SLC12A1: variants seen among roughly 807,000 people sequenced by gnomAD.
SLC12A1 encodes the protein solute carrier family 12 member 1.
Under a neutral mutation model 130.4 loss-of-function variants are expected in SLC12A1, and 89 were observed. That is an observed-to-expected ratio of 0.68 (90% CI 0.58 to 0.81). The LOEUF is 0.81. Ranked by LOEUF, SLC12A1 falls within the 40% of genes least tolerant of loss-of-function variation. The pLI is 0.00. For synonymous variants in SLC12A1, 499 were observed against 460.0 expected (o/e 1.08, Z -1.09); for missense variants, 1,310 against 1,336.4 (o/e 0.98, Z 0.31).
At chr15:48,265,419 ATTC>A (rs1452872426) in intron 17 of SLC12A1, among the ~76,000 whole-genome samples, 1 of 152,188 alleles carries the variant, frequency 6.6e-6, no homozygotes, top group Non-Finnish European at 1.5e-5. Context: ...CCTGTTTGTT[ATTC>A]TTCTATCTAA....
rs368012806 is a variant in SLC12A1, at chr15:48,211,272, T to C, written c.420+3133T>C. The stretch of plus-strand genomic sequence containing the variant: ...CCATTCTAGTGTTGCTGAAATTGTA[T>C]GGCCTAGCCTGGCTCTCCATGTGTA... On this transcript the variant is annotated intron_variant, in intron 2 of 26. Coordinates refer to ENST00000380993, the MANE Select transcript of SLC12A1 (RefSeq NM_000338.3). Among the ~76,000 whole-genome samples, 15 of 152,354 alleles carry C rather than the reference T, an allele frequency of 9.8e-5. No homozygotes were observed. In the East Asian group the frequency reaches 2.3e-3, roughly 24 times the overall value.
chr15:48,241,628 G>A (rs2141050148), intron 10 of SLC12A1, 29 bp downstream of exon 10: 2 of 1,516,304 alleles, frequency 1.3e-6, no homozygotes, highest in African/African-American at 1.4e-5. Context: ...GTGTCAGAAT[G>A]TCAGAATTAC....
At chr15:48,268,342 A>G (rs536830682) in intron 18 of SLC12A1, among the ~76,000 whole-genome samples, 50 of 152,306 alleles carry the variant, frequency 3.3e-4, no homozygotes, top group Non-Finnish European at 6.3e-4. Context: ...AGTGACAAAG[A>G]ATCCTTAAAA....
At chr15:48,249,528 TG>T in intron 13 of SLC12A1, 46 bp from the exon 14 acceptor site, 1 of 1,378,792 alleles carries the variant, frequency 7.3e-7, no homozygotes, top group Non-Finnish European at 1.0e-6. Flanking sequence ...GTTCAGCCCC[TG>T]GTCTCATCAC....
At chr15:48,252,435 A>T (rs1427758102) in intron 15 of SLC12A1, among the ~76,000 whole-genome samples, 1 of 152,196 alleles carries the variant, frequency 6.6e-6, no homozygotes, top group African/African-American at 2.4e-5. Flanking sequence ...CCATTACATC[A>T]CTTTCTGTTT....
chr15:48,241,054 C>T (rs556074293), intron 9 of SLC12A1, among the ~76,000 whole-genome samples: 2 of 152,112 alleles, frequency 1.3e-5, no homozygotes, highest in East Asian at 1.9e-4. Context: ...GTAGATCATC[C>T]TTTTTACTCA....
rs1486160195 is a variant in SLC12A1, at chr15:48,220,988, C to T, written c.620C>T (p.Ala207Val). Reference protein sequence around the residue: ...FIRLSWIVGEAGIGLGVLIIL... With the variant: ...FIRLSWIVGEVGIGLGVLIIL... ...CGCCTCTCCTGGATTGTTGGAGAAG[C>T]TGGAATTGGTAAGCATTTTTCCCCT... The change falls in exon 4 of 27, where the codon GCT (alanine) becomes GTT (valine). Residue 207 changes from alanine (A) to valine (V), a missense_variant. By Grantham distance (64) the Ala-to-Val change is moderately conservative (BLOSUM62 0). Coordinates refer to ENST00000380993, the MANE Select transcript of SLC12A1 (RefSeq NM_000338.3). 1.2e-6 allele frequency: 2 copies of T among 1,613,886 alleles called. No homozygotes were observed. The highest frequency in any genetic ancestry group is 1.7e-6 in the Non-Finnish European group (2 of 1,179,780).
intron 2 of SLC12A1, among the ~76,000 whole-genome samples, chr15:48,219,262 C>T (rs1320164824): frequency 6.6e-6 from 1 of 152,116 alleles, no homozygotes; most frequent in Non-Finnish European, 1.5e-5. Flanking sequence ...GAAAACTTGT[C>T]GGCCGGGTGT....
chr15:48,283,954 A>T (rs757976743), intron 20 of SLC12A1, among the ~76,000 whole-genome samples: 7 of 152,242 alleles, frequency 4.6e-5, no homozygotes, highest in Non-Finnish European at 8.8e-5. Context: ...GTGCAGGGTG[A>T]GGTCAAAGAG....
chr15:48,285,358 G>C, intron 21 of SLC12A1, 109 bp downstream of exon 21: 1 of 1,031,138 alleles, frequency 9.7e-7, no homozygotes, highest in Non-Finnish European at 1.4e-6. Context: ...TTGAGTGTGG[G>C]TAGGAACTGA....
intron 16 of SLC12A1, among the ~76,000 whole-genome samples, chr15:48,257,814 C>T (rs2041725125): frequency 6.6e-6 from 1 of 152,226 alleles, no homozygotes; most frequent in South Asian, 2.1e-4. Context: ...AATATTTTCC[C>T]CATTGTCTTG....
chr15:48,278,505 G>T (rs1314508303), intron 20 of SLC12A1, among the ~76,000 whole-genome samples: 1 of 152,156 alleles, frequency 6.6e-6, no homozygotes, highest in Non-Finnish European at 1.5e-5. Flanking sequence ...ATAAAGAGAG[G>T]CAATGGTGAA....
rs141652885 is a variant in SLC12A1, at chr15:48,301,331, G to A, written c.3113G>A (p.Arg1038Gln). ...TGCCCACAGAGTTACCGCCAAGTTC[G>A]ACTGAATGAACTCTTACAGGAGCAC... ...AVKEKSYRQV[R>Q]LNELLQEHSR... is the part of the protein sequence containing the mutation. The change falls in exon 26 of 27, where the codon CGA (arginine) becomes CAA (glutamine). Residue 1038 changes from arginine to glutamine, a missense_variant. Physicochemically the swap from Arg to Gln is conservative, Grantham distance 43. Transcript: ENST00000380993. The A allele has an allele frequency of 6.5e-5, 104 of 1,601,214 alleles. No homozygotes were observed. The Middle Eastern group carries it at 9.9e-4, about 15-fold the overall frequency.
intron 9 of SLC12A1, among the ~76,000 whole-genome samples, chr15:48,236,645 A>G (rs182902737): frequency 7.0e-4 from 106 of 152,308 alleles, no homozygotes; most frequent in Non-Finnish European, 1.2e-3. Context: ...AAATAAAGGC[A>G]TTTAGATTTT....
intron 8 of SLC12A1, 129 bp downstream of exon 8, chr15:48,232,967 A>C (rs2041398973): frequency 1.5e-6 from 1 of 648,486 alleles, no homozygotes; most frequent in South Asian, 1.9e-5. Flanking sequence ...TGGATGCGGA[A>C]GCCCAAAAGA....
chr15:48,298,412 C>T (rs1374824879), intron 24 of SLC12A1, among the ~76,000 whole-genome samples: 2 of 152,094 alleles, frequency 1.3e-5, no homozygotes, highest in South Asian at 2.1e-4. Context: ...TTCTCCTCAG[C>T]GATTTCTTTT....
At chr15:48,227,342 A>G (rs1303030500) in intron 5 of SLC12A1, 2 of 619,994 alleles carry the variant, frequency 3.2e-6, no homozygotes, top group East Asian at 2.7e-5. Flanking sequence ...CTAAAATTGG[A>G]ATATCTTCAT....
In SLC12A1 at chr15:48,207,652, G is replaced by T. The variant is rs146990469; in HGVS notation, c.-68G>T. The T allele has an allele frequency of 1.3e-4, 169 of 1,342,906 alleles. No homozygotes were observed. In the East Asian group the frequency reaches 4.2e-3, roughly 34 times the overall value. The allele number at this position is 1,342,906 out of a possible 1,614,324, so 83.2% of individuals were successfully genotyped here. ...GAAGCACATTAGTGTTTATTTTGAT[G>T]AAGAAATATATAGATTTTTTAAAAC... is the stretch of plus-strand genomic sequence containing the variant. On this transcript the variant is annotated 5_prime_UTR_variant, in exon 2 of 27. An upstream start codon of the reference 5' UTR is lost. Transcript: ENST00000380993.
chr15:48,301,511 G>GGGGGGGGAA, intron 26 of SLC12A1, 129 bp downstream of exon 26: 1 of 478,136 alleles, frequency 2.1e-6, no homozygotes, highest in Admixed American at 3.4e-5. Context: ...TTGGGGGGGG[G>GGGGGGGGAA]AACACGTGGG....
Sources: gnomAD v4.1 joint callset for allele counts (sites outside exome capture counted in the v4.1 genomes callset) on GRCh38, gnomAD v4.1.1 for gene constraint, MANE v1.5 for transcripts, NCBI Gene and HGNC (gene_info 2026-07-23, HGNC 2026-07-21) for gene names.